CAPRIN1: variants seen among roughly 807,000 people sequenced by gnomAD.
The protein encoded by CAPRIN1 is caprin-1.
In CAPRIN1, 29 loss-of-function variants were observed where a neutral mutation model predicts 100.9. That is an observed-to-expected ratio of 0.29 (90% CI 0.21 to 0.39). The LOEUF (loss-of-function observed/expected upper bound fraction) is 0.39, where lower values mean the gene tolerates loss of function less well. CAPRIN1 is among the 10% of genes least tolerant of loss of function. The probability of loss-of-function intolerance (pLI) is 1.00; values close to 1 mark genes in which losing one functional copy is unlikely to be tolerated. For synonymous variants in CAPRIN1, 338 were observed against 307.5 expected (o/e 1.10, Z -1.04); for missense variants, 795 against 876.7 (o/e 0.91, Z 1.18).
At chr11:34,087,490 C>T (rs957472560) in intron 11 of CAPRIN1, among the ~76,000 whole-genome samples, 2 of 143,876 alleles carry the variant, frequency 1.4e-5, no homozygotes, top group East Asian at 3.9e-4. Context: ...CCCGCCACTA[C>T]ACCCGGCTAA....
chr11:34,071,818 C>G lies in CAPRIN1; in HGVS notation c.279+30C>G, dbSNP rs771592995. ...AGATGTTATATTTTTTATTTTAGAC[C>G]TAATGCTCACTATTTTAAAGACAAA... On this transcript the variant is annotated intron_variant, in intron 3 of 18. Coordinates refer to ENST00000341394, the MANE Select transcript of CAPRIN1 (RefSeq NM_005898.5). The G allele has an allele frequency of 1.4e-5, 22 of 1,576,544 alleles. 1 individual carries two copies. The East Asian group carries it at 3.8e-4, about 27-fold the overall frequency.
chr11:34,088,896 G>T (rs1335886498), intron 11 of CAPRIN1, among the ~76,000 whole-genome samples: 2 of 152,058 alleles, frequency 1.3e-5, no homozygotes, highest in African/African-American at 4.8e-5. Context: ...ATGCTCACTT[G>T]AAAGCTAAAA....
intron 2 of CAPRIN1, among the ~76,000 whole-genome samples, chr11:34,061,845 C>T (rs1850584482): frequency 6.6e-6 from 1 of 151,700 alleles, no homozygotes; most frequent in African/African-American, 2.4e-5. Context: ...GTGGCTTATG[C>T]CTGTAATCCC....
intron 18 of CAPRIN1, 99 bp from the exon 19 acceptor site, chr11:34,099,204 C>T: frequency 6.5e-7 from 1 of 1,533,368 alleles, no homozygotes. Context: ...AATGTGGTGA[C>T]AGGCTGCCCA....
intron 2 of CAPRIN1, among the ~76,000 whole-genome samples, chr11:34,062,441 C>G (rs2134090863): frequency 6.6e-6 from 1 of 151,962 alleles, no homozygotes; most frequent in East Asian, 1.9e-4. Context: ...TTGGCTAACA[C>G]AGTGAAACCC....
At chr11:34,063,248 C>T (rs1031646834) in intron 2 of CAPRIN1, 3 of 152,158 alleles carry the variant, frequency 2.0e-5, no homozygotes, top group Non-Finnish European at 4.4e-5. Context: ...AGGAAGAAAA[C>T]AGCAGCAGCA....
At chr11:34,076,789 A>G (rs59972955) in intron 6 of CAPRIN1, 147 bp downstream of exon 6, 49,502 of 618,608 alleles carry the variant, frequency 0.08, 2,338 homozygotes, top group Middle Eastern at 0.11. Context: ...GTTGGAGTGT[A>G]GTAGTGTGAT....
At chr11:34,098,337 T>C in intron 18 of CAPRIN1, 1 of 984,438 alleles carries the variant, frequency 1.0e-6, no homozygotes, top group Non-Finnish European at 1.2e-6. Flanking sequence ...ATTCCTAACT[T>C]ATTGAGCTAT....
chr11:34,090,084 T>C, intron 12 of CAPRIN1, 95 bp from the exon 13 acceptor site: 1 of 621,122 alleles, frequency 1.6e-6, no homozygotes, highest in Non-Finnish European at 2.9e-6. Flanking sequence ...CAGTTGTATC[T>C]ATTTCTTAGC....
chr11:34,096,407 C>A, intron 15 of CAPRIN1, 72 bp from the exon 16 acceptor site: 2 of 1,127,834 alleles, frequency 1.8e-6, no homozygotes, highest in Non-Finnish European at 2.6e-6. Flanking sequence ...ACTTCTTAAA[C>A]TAGAAAGTGC....
rs746096055 is a variant in CAPRIN1 at position 34,099,372 on chromosome 11, AT to A, written c.*7del. On this transcript the variant is annotated 3_prime_UTR_variant, in exon 19 of 19. Transcript: ENST00000341394. ...AACACTCAGCAAGTGAATTAATCTGATTCACAGGATTATGTTTAATCGCCAA... is the reference window on the plus strand; with the variant it reads ...AACACTCAGCAAGTGAATTAATCTGATCACAGGATTATGTTTAATCGCCAA... 37 of 1,611,450 alleles carry A rather than the reference AT, an allele frequency of 2.3e-5. No individual in the cohort carries two copies. The highest frequency in any genetic ancestry group is 2.8e-5 in the Non-Finnish European group (33 of 1,177,724).
chr11:34,097,236 A>C lies in CAPRIN1; in HGVS notation c.1941A>C (p.Pro647=), dbSNP rs1565099278. The part of the protein sequence containing the change: ...DGYRPSFSNT[P]NSGYTQSQFS... ...ACCGCCCTTCATTCTCTAACACTCCAAACAGTGGTTATACACAGTCTCAGT... is the reference window on the plus strand; with the variant it reads ...ACCGCCCTTCATTCTCTAACACTCCCAACAGTGGTTATACACAGTCTCAGT... Residue 647 remains proline, a synonymous_variant, in exon 17 of 19, where the codon CCA becomes CCC. Coordinates refer to ENST00000341394, the MANE Select transcript of CAPRIN1 (RefSeq NM_005898.5). 1.9e-6 allele frequency: 3 copies of C among 1,614,052 alleles called. No homozygotes were observed. The highest frequency in any genetic ancestry group is 1.7e-5 in the Admixed American group (1 of 60,020).
intron 6 of CAPRIN1, among the ~76,000 whole-genome samples, chr11:34,076,905 T>G (rs1850919433): frequency 6.6e-6 from 1 of 152,056 alleles, no homozygotes; most frequent in Non-Finnish European, 1.5e-5. Context: ...TGGCTATTTT[T>G]TGTATTTTTA....
At chr11:34,077,197 A>G (rs1002477072) in intron 6 of CAPRIN1, among the ~76,000 whole-genome samples, 1 of 152,264 alleles carries the variant, frequency 6.6e-6, no homozygotes, top group African/African-American at 2.4e-5. Context: ...AAAACTGGGA[A>G]TATGATAGTC....
chr11:34,053,089 G>C, intron 2 of CAPRIN1: 2 of 1,023,814 alleles, frequency 2.0e-6, no homozygotes, highest in Non-Finnish European at 2.3e-6. Flanking sequence ...CCTGCGTCCT[G>C]CAGCCTTGGG....
intron 15 of CAPRIN1, among the ~76,000 whole-genome samples, chr11:34,093,263 A>G (rs1163893760): frequency 6.6e-6 from 1 of 151,406 alleles, no homozygotes; most frequent in African/African-American, 2.4e-5. Context: ...TGGTGTAATC[A>G]GATACTGGAG....
chr11:34,077,842 C>T (rs768908992), intron 6 of CAPRIN1, among the ~76,000 whole-genome samples: 1 of 152,126 alleles, frequency 6.6e-6, no homozygotes, highest in Non-Finnish European at 1.5e-5. Context: ...GGTTTGTTAA[C>T]ATTTACTCTG....
chr11:34,086,509 G>C (rs1429110837), intron 11 of CAPRIN1, 96 bp downstream of exon 11: 2 of 689,496 alleles, frequency 2.9e-6, no homozygotes, highest in Non-Finnish European at 4.9e-6. Context: ...TTATTTTAAT[G>C]ACTGTTTAAT....
intron 15 of CAPRIN1, among the ~76,000 whole-genome samples, chr11:34,094,259 T>TCTCCTGCCTTGGC (rs1851322281): frequency 6.6e-6 from 1 of 151,802 alleles, no homozygotes; most frequent in Non-Finnish European, 1.5e-5. Flanking sequence ...TTCAAGCGAT[T>TCTCCTGCCTTGGC]CTCCTGCCTC....
Sources: gnomAD v4.1 joint callset for allele counts (sites outside exome capture counted in the v4.1 genomes callset) on GRCh38, gnomAD v4.1.1 for gene constraint, MANE v1.5 for transcripts, NCBI Gene and HGNC (gene_info 2026-07-23, HGNC 2026-07-21) for gene names.